Variants in ANO4 observed in about 807,000 individuals in gnomAD.
ANO4 encodes the protein anoctamin 4, also known as anoctamin-4.
A neutral mutation model predicts 141.9 loss-of-function variants in ANO4; 69 were observed. The ratio of observed to expected loss-of-function variants is 0.49; its 90% confidence interval spans 0.40 to 0.59. ANO4 has a LOEUF of 0.59. ANO4 is among the 20% of genes least tolerant of loss of function. The probability of loss-of-function intolerance (pLI) is 0.00; values close to 1 mark genes in which losing one functional copy is unlikely to be tolerated. For synonymous variants in ANO4, 350 were observed against 394.3 expected, an observed-to-expected ratio of 0.89 and a Z score of 1.33; for missense variants, 894 against 1,162.2, an observed-to-expected ratio of 0.77 and a Z score of 3.36.
intron 1 of ANO4, among the ~76,000 whole-genome samples, chr12:100,823,885 A>T (rs1176545276): frequency 6.6e-6 from 1 of 152,086 alleles, no homozygotes; most frequent in Non-Finnish European, 1.5e-5. Context: ...TACAGTTCAC[A>T]AAAACACATA....
chr12:100,902,685 G>A (rs1255425631), intron 2 of ANO4, among the ~76,000 whole-genome samples: 1 of 152,188 alleles, frequency 6.6e-6, no homozygotes, highest in Non-Finnish European at 1.5e-5. Flanking sequence ...CTCTTAGCAT[G>A]TAACCTTGCT....
chr12:100,779,140 A>C, intron 3 of ANO4, among the ~76,000 whole-genome samples: 1 of 152,234 alleles, frequency 6.6e-6, no homozygotes, highest in Non-Finnish European at 1.5e-5. Flanking sequence ...CAACCCCCAG[A>C]GAGTGTGATG....
intron 9 of ANO4, among the ~76,000 whole-genome samples, chr12:101,034,169 C>T (rs926236461): frequency 7.2e-5 from 11 of 152,158 alleles, no homozygotes; most frequent in African/African-American, 2.4e-4. Context: ...AAGCATTCTA[C>T]TGTAAAGACA....
At chr12:100,758,679 A>G (rs954041228) in intron 3 of ANO4, among the ~76,000 whole-genome samples, 2 of 152,198 alleles carry the variant, frequency 1.3e-5, no homozygotes, top group African/African-American at 4.8e-5. Flanking sequence ...GACCGCCACA[A>G]CAGAGGACCA....
rs889903937 is a variant in ANO4 at position 100,888,003 on chromosome 12, G to C, written c.-140-13643G>C. ...GCTTCCTAAGTATTTCCCTGAGTGA[G>C]AATGTAAAGGTTTAAGATAAATTAA... On this transcript the variant is annotated intron_variant, in intron 1 of 27. Coordinates refer to ENST00000392977, the MANE Select transcript of ANO4 (RefSeq NM_001286615.2). Among the ~76,000 whole-genome samples the C allele has an allele frequency of 2.0e-5, 3 of 152,112 alleles. No homozygotes were observed. In the South Asian group the frequency reaches 6.2e-4, roughly 31 times the overall value.
intron 1 of ANO4, among the ~76,000 whole-genome samples, chr12:100,731,208 C>T (rs1347260736): frequency 6.6e-6 from 1 of 152,184 alleles, no homozygotes; most frequent in Non-Finnish European, 1.5e-5. Context: ...CATTATAGAT[C>T]AGAATTTTCT....
chr12:100,750,223 C>T (rs986477738), intron 3 of ANO4, among the ~76,000 whole-genome samples: 5 of 151,970 alleles, frequency 3.3e-5, no homozygotes, highest in Non-Finnish European at 5.9e-5. Context: ...CAACTTCTGC[C>T]TCCTGGATTC....
chr12:101,020,096 A>G lies in ANO4; in HGVS notation c.797A>G (p.His266Arg). The change falls in exon 9 of 28, where the codon CAC becomes CGC. Residue 266 changes from histidine (H) to arginine (R), a missense_variant. His to Arg is a conservative substitution (Grantham distance 29). Coordinates refer to ENST00000392977, the MANE Select transcript of ANO4 (RefSeq NM_001286615.2). Reference protein sequence around the residue: ...NNATRSRIVHHILQRIKYEEG... With the variant: ...NNATRSRIVHRILQRIKYEEG... ...GCCACAAGAAGTAGAATCGTGCATC[A>G]CATTTTACAAAGAATAAAATATGAA... 1 of 1,613,608 alleles carries G rather than the reference A, an allele frequency of 6.2e-7. No homozygotes were observed. Among genetic ancestry groups the G allele is most frequent in the East Asian group, 2.2e-5 (1 of 44,864 alleles).
chr12:100,965,732 C>A (rs1220696494), intron 5 of ANO4, among the ~76,000 whole-genome samples: 2 of 152,080 alleles, frequency 1.3e-5, no homozygotes, highest in Admixed American at 1.3e-4. Context: ...ATGCCTAACA[C>A]CGTCTCATCT....
chr12:100,887,695 A>G (rs557722169), intron 1 of ANO4, among the ~76,000 whole-genome samples: 1 of 152,368 alleles, frequency 6.6e-6, no homozygotes, highest in East Asian at 1.9e-4. Context: ...TTTGGCACAG[A>G]GAAAGCTCTT....
intron 1 of ANO4, among the ~76,000 whole-genome samples, chr12:100,803,204 G>T (rs2034799430): frequency 6.6e-6 from 1 of 152,148 alleles, no homozygotes; most frequent in Non-Finnish European, 1.5e-5. Flanking sequence ...GGAGCTTGGA[G>T]TATAGGGAAC....
intron 1 of ANO4, among the ~76,000 whole-genome samples, chr12:100,839,793 T>C (rs544705358): frequency 6.6e-6 from 1 of 152,254 alleles, no homozygotes; most frequent in South Asian, 2.1e-4. Context: ...ATAAGAATTC[T>C]GTGTCTGGGC....
rs778769800 is a variant in ANO4 at position 100,921,289 on chromosome 12, C to T, written c.56-937C>T. On this transcript the variant is annotated intron_variant, in intron 2 of 27. Coordinates refer to ENST00000392977, the MANE Select transcript of ANO4 (RefSeq NM_001286615.2). ...TGTTTTACTCCTAGAATAAGCGTTC[C>T]TGTGAGGCTATGAGTTATCTTATTC... is the stretch of plus-strand genomic sequence containing the variant. Among the ~76,000 whole-genome samples the T allele has an allele frequency of 6.9e-4, 103 of 149,850 alleles. 2 individuals are homozygous for T. Among genetic ancestry groups the T allele is most frequent in the Middle Eastern group, 6.8e-3 (2 of 292 alleles).
chr12:100,870,748 A>G (rs142696983), intron 1 of ANO4, among the ~76,000 whole-genome samples: 1,727 of 152,248 alleles, frequency 0.011, 33 homozygotes, highest in African/African-American at 0.039. Flanking sequence ...CTAGGCTTCT[A>G]TATGCAGGAG....
intron 26 of ANO4, among the ~76,000 whole-genome samples, chr12:101,122,739 C>T (rs11836720): frequency 0.051 from 7,717 of 152,178 alleles, 619 homozygotes; most frequent in African/African-American, 0.17. Context: ...TTGAAATATA[C>T]TGATTCATAT....
intron 1 of ANO4, among the ~76,000 whole-genome samples, chr12:100,833,969 A>G (rs2036767915): frequency 6.6e-6 from 1 of 152,124 alleles, no homozygotes; most frequent in African/African-American, 2.4e-5. Context: ...AGCAATAGAA[A>G]GGATTTGGCT....
intron 25 of ANO4, among the ~76,000 whole-genome samples, chr12:101,117,257 C>G (rs970664879): frequency 2.0e-5 from 3 of 152,182 alleles, no homozygotes; most frequent in Non-Finnish European, 4.4e-5. Flanking sequence ...ATTTCAGGTT[C>G]CACCACAGTA....
intron 14 of ANO4, among the ~76,000 whole-genome samples, chr12:101,056,383 C>A (rs2048117980): frequency 6.6e-6 from 1 of 151,928 alleles, no homozygotes; most frequent in Non-Finnish European, 1.5e-5. Context: ...TCTGTAATTT[C>A]AATTGCCAGT....
intron 3 of ANO4, among the ~76,000 whole-genome samples, chr12:100,782,751 T>C (rs909687176): frequency 1.3e-5 from 2 of 151,680 alleles, no homozygotes; most frequent in East Asian, 2.0e-4. Flanking sequence ...GTAACTGATA[T>C]TTTATAGACT....
Sources: allele counts gnomAD v4.1 joint callset (sites outside exome capture counted in the v4.1 genomes callset), GRCh38; gene constraint gnomAD v4.1.1; transcripts MANE v1.5; gene names NCBI Gene and HGNC (gene_info 2026-07-23, HGNC 2026-07-21).